AHCYL2: variants seen among roughly 807,000 people sequenced by gnomAD.
AHCYL2 encodes the protein S-adenosylhomocysteine hydrolase-like protein 2.
In AHCYL2, 28 loss-of-function variants were observed where a neutral mutation model predicts 81.4. The ratio of observed to expected loss-of-function variants is 0.34; its 90% CI spans 0.25 to 0.47. AHCYL2 has a LOEUF of 0.47. AHCYL2 is among the 20% of genes least tolerant of loss of function. The pLI is 1.00. For synonymous variants in AHCYL2, 272 were observed against 290.2 expected (o/e 0.94, Z 0.64); for missense variants, 551 against 785.1 (o/e 0.70, Z 3.56).
At chr7:129,252,728 C>G (rs938507231) in intron 1 of AHCYL2, among the ~76,000 whole-genome samples, 1 of 152,098 alleles carries the variant, frequency 6.6e-6, no homozygotes, top group African/African-American at 2.4e-5. Context: ...GATCGTGCCA[C>G]TGCACTCCAG....
At chr7:129,265,233 G>C (rs1461145726) in intron 1 of AHCYL2, among the ~76,000 whole-genome samples, 2 of 152,148 alleles carry the variant, frequency 1.3e-5, no homozygotes, top group African/African-American at 4.8e-5. Flanking sequence ...GACTGCTGGA[G>C]CTCAGGGCAT....
chr7:129,361,197 A>G (rs1336300314), intron 1 of AHCYL2, among the ~76,000 whole-genome samples: 1 of 152,252 alleles, frequency 6.6e-6, no homozygotes, highest in African/African-American at 2.4e-5. Context: ...TGAGGAAGAT[A>G]GGACAGATTG....
intron 13 of AHCYL2, among the ~76,000 whole-genome samples, chr7:129,424,485 C>T (rs1028280735): frequency 2.6e-5 from 4 of 152,020 alleles, no homozygotes; most frequent in Admixed American, 6.6e-5. Flanking sequence ...AGAGATTGTC[C>T]CTGGATTTGA....
chr7:129,251,270 A>G (rs1795239090), intron 1 of AHCYL2, among the ~76,000 whole-genome samples: 1 of 150,500 alleles, frequency 6.6e-6, no homozygotes, highest in South Asian at 2.1e-4. Context: ...GACTTAGACC[A>G]TGTGTGTCTT....
intron 1 of AHCYL2, among the ~76,000 whole-genome samples, chr7:129,289,177 C>T (rs1456621701): frequency 6.6e-6 from 1 of 152,100 alleles, no homozygotes; most frequent in Admixed American, 6.5e-5. Context: ...GCAGCCTCAA[C>T]CTCCTGGGCT....
intron 1 of AHCYL2, among the ~76,000 whole-genome samples, chr7:129,235,219 C>T (rs961732922): frequency 7.9e-5 from 12 of 152,020 alleles, no homozygotes; most frequent in African/African-American, 2.9e-4. Flanking sequence ...TTACTAGCTT[C>T]CATCTTATTT....
At chr7:129,394,112 G>A (rs996361467) in intron 4 of AHCYL2, among the ~76,000 whole-genome samples, 6 of 151,856 alleles carry the variant, frequency 4.0e-5, no homozygotes, top group Admixed American at 1.3e-4. Context: ...GGGCTCAAGC[G>A]ATCCTCCTGC....
Position 129,368,239 on chromosome 7 carries a change from C to G in AHCYL2, c.364-11399C>G. The G allele has an allele frequency of 7.3e-7, 1 of 1,369,554 alleles. No individual in the cohort carries two copies. Among genetic ancestry groups the G allele is most frequent in the Non-Finnish European group, 9.4e-7 (1 of 1,060,632 alleles). The allele number at this position is 1,369,554 out of a possible 1,614,324, so 84.8% of individuals were successfully genotyped here. A position where few individuals can be genotyped will look rare whatever the true frequency, so the allele number is the denominator to read the frequency against. The stretch of plus-strand genomic sequence containing the variant: ...TGAGAAGCACAGTGCCTGGGTGCAG[C>G]ACTTTGCATCAGCTCTGATTTTGAA... On this transcript the variant is annotated intron_variant, in intron 1 of 16. Transcript: ENST00000325006. This position sits in a 1 kb window ranked among gnomAD's most constrained non-coding sequence, Gnocchi z 4.4.
Position 129,406,357 on chromosome 7 carries a change from T to A in AHCYL2, c.1207-21T>A, listed in dbSNP as rs758484587. On this transcript the variant is annotated intron_variant, in intron 9 of 16. Transcript: ENST00000325006. The surrounding 1 kb of genome is among the most constrained non-coding windows in gnomAD (Gnocchi z 4.3). The stretch of plus-strand genomic sequence containing the variant: ...TTTCTCAGTGACTTTCCTTAATATG[T>A]GTGCTCTCTCCCCTCTTCAGGTGGG... 2 of 1,610,332 alleles carry A rather than the reference T, an allele frequency of 1.2e-6. No individual in the cohort carries two copies. Among genetic ancestry groups the A allele is most frequent in the Non-Finnish European group, 1.7e-6 (2 of 1,176,620 alleles).
chr7:129,388,936 CAG>C (rs1795326835), intron 2 of AHCYL2, 118 bp from the exon 3 acceptor site: 1 of 1,157,706 alleles, frequency 8.6e-7, no homozygotes, highest in East Asian at 2.5e-5. Context: ...AGGTACTTAA[CAG>C]AGGTAAAAAA....
At chr7:129,359,339 GGAGTGA>G (rs1793852462) in intron 1 of AHCYL2, among the ~76,000 whole-genome samples, 2 of 152,184 alleles carry the variant, frequency 1.3e-5, no homozygotes, top group African/African-American at 4.8e-5. Context: ...CCTTTGGGGA[GGAGTGA>G]GGGTAACAAC....
At chr7:129,356,460 G>A (rs1451957868) in intron 1 of AHCYL2, among the ~76,000 whole-genome samples, 1 of 152,018 alleles carries the variant, frequency 6.6e-6, no homozygotes, top group East Asian at 1.9e-4. Flanking sequence ...ATAATTCATT[G>A]TGTGTGTAGG....
chr7:129,344,801 G>A (rs1047398233), intron 1 of AHCYL2, among the ~76,000 whole-genome samples: 4 of 151,904 alleles, frequency 2.6e-5, no homozygotes, highest in African/African-American at 7.2e-5. Context: ...GGCAGGAAGC[G>A]GGGAGGAAAA....
At chr7:129,345,420 G>A (rs1793327841) in intron 1 of AHCYL2, among the ~76,000 whole-genome samples, 1 of 152,216 alleles carries the variant, frequency 6.6e-6, no homozygotes. Flanking sequence ...CTCATTAGAT[G>A]TTTAGGAAGG....
At chr7:129,267,786 G>T (rs1392186699) in intron 1 of AHCYL2, among the ~76,000 whole-genome samples, 1 of 152,168 alleles carries the variant, frequency 6.6e-6, no homozygotes, top group Non-Finnish European at 1.5e-5. Context: ...ATGGTAAGAT[G>T]ATGGAATTGA....
At position 129,406,822 on chromosome 7, in the gene AHCYL2, G is replaced by A. The variant is rs1434065689; in HGVS notation, c.1295+356G>A. Among the ~76,000 whole-genome samples, 1 of 152,124 alleles carries A rather than the reference G, an allele frequency of 6.6e-6. No individual in the cohort carries two copies. Among genetic ancestry groups the A allele is most frequent in the Non-Finnish European group, 1.5e-5 (1 of 68,032 alleles). On this transcript the variant is annotated intron_variant, in intron 10 of 16. Transcript: ENST00000325006. This position sits in a 1 kb window ranked among gnomAD's most constrained non-coding sequence, Gnocchi z 4.3. ...TTACACTGAAAATAGCCCTTCTGTG[G>A]TATTCCTCCCAAAAATGTATAACCT...
intron 1 of AHCYL2, among the ~76,000 whole-genome samples, chr7:129,318,489 T>C (rs1332421001): frequency 6.6e-6 from 1 of 152,150 alleles, no homozygotes; most frequent in Non-Finnish European, 1.5e-5. Context: ...CCAAAACATA[T>C]GTAATATAAG....
At chr7:129,411,403 A>G (rs1400066116) in intron 11 of AHCYL2, among the ~76,000 whole-genome samples, 5 of 152,220 alleles carry the variant, frequency 3.3e-5, no homozygotes, top group East Asian at 1.9e-4. Flanking sequence ...GACATTTCAT[A>G]TAAATGGAAT....
chr7:129,418,535 G>A (rs1251778841), intron 12 of AHCYL2, among the ~76,000 whole-genome samples: 1 of 152,046 alleles, frequency 6.6e-6, no homozygotes, highest in Non-Finnish European at 1.5e-5. Context: ...TCCTGACTTC[G>A]TGACCCACCA....
Sources: gnomAD v4.1 joint callset for allele counts (sites outside exome capture counted in the v4.1 genomes callset) on GRCh38, gnomAD v4.1.1 for gene constraint, Gnocchi (gnomAD v3.1) non-coding constraint, MANE v1.5 for transcripts, NCBI Gene and HGNC (gene_info 2026-07-23, HGNC 2026-07-21) for gene names.